The following CCM2 variants were observed in gnomAD, a reference collection of about 807,000 sequenced individuals.
The protein encoded by CCM2 is CCM2 scaffold protein.
In CCM2, 25 loss-of-function variants were observed where a neutral mutation model predicts 44.9. The observed-to-expected ratio is 0.56, with a 90% CI of 0.41 to 0.78. CCM2 has a LOEUF of 0.78. Ranked by LOEUF, CCM2 falls within the 30% of genes least tolerant of loss-of-function variation. The pLI is 0.00. For synonymous variants in CCM2, 219 were observed against 241.1 expected, an observed-to-expected ratio of 0.91 and a Z score of 0.85; for missense variants, 481 against 580.6, an observed-to-expected ratio of 0.83 and a Z score of 1.76.
In CCM2 at chr7:45,013,486, T is replaced by A. The variant is rs563251198; in HGVS notation, c.30+13123T>A. On this transcript the variant is annotated intron_variant, in intron 1 of 9. Transcript: ENST00000258781. Reference sequence around the variant, plus strand: ...TTTCTGAACCATTAAGAATAAGCTGTAGACATAATGCCCCATGACCCTTTA... The same window carrying A: ...TTTCTGAACCATTAAGAATAAGCTGAAGACATAATGCCCCATGACCCTTTA... Among the ~76,000 whole-genome samples, 10 of 152,228 alleles carry A rather than the reference T, an allele frequency of 6.6e-5. No individual in the cohort carries two copies. The South Asian group carries it at 2.1e-3, about 32-fold the overall frequency.
In CCM2 at chr7:45,038,501, T is replaced by G. The variant is rs139850803; in HGVS notation, c.204+75T>G. ...CATGCTTGTATCCACCAGACACTCT[T>G]GAGTTTATAAGACACAGCCACACAA... On this transcript the variant is annotated intron_variant, in intron 2 of 9. Transcript: ENST00000258781. 9 of 1,493,834 alleles carry G rather than the reference T, an allele frequency of 6.0e-6. No homozygotes were observed. In the Admixed American group the frequency reaches 1.5e-4, roughly 25 times the overall value. 92.5% of individuals were successfully genotyped at this position (1,493,834 alleles called of 1,614,324 possible).
rs867158013 is a variant in CCM2 at position 45,074,261 on chromosome 7, C to G, written c.916-9C>G. On this transcript the variant is annotated splice_polypyrimidine_tract_variant and intron_variant, in intron 8 of 9. Coordinates refer to ENST00000258781, the MANE Select transcript of CCM2 (RefSeq NM_031443.4). ...GCCCAGCCCCCTATCTGGCTCTGCTCTCTTGCAGCTGCGCACCAAGCTGTC... is the reference window on the plus strand; with the variant it reads ...GCCCAGCCCCCTATCTGGCTCTGCTGTCTTGCAGCTGCGCACCAAGCTGTC... 3 of 1,613,476 alleles carry G rather than the reference C, an allele frequency of 1.9e-6. No individual in the cohort carries two copies. Among genetic ancestry groups the G allele is most frequent in the East Asian group, 2.2e-5 (1 of 44,890 alleles).
At chr7:45,068,373 A>C in intron 4 of CCM2, 70 bp from the exon 5 acceptor site, 2 of 1,603,070 alleles carry the variant, frequency 1.2e-6, no homozygotes, top group South Asian at 2.2e-5. Flanking sequence ...TGGCGGCCTC[A>C]GCTGTTTCCT....
At chr7:45,028,721 A>G (rs774815059) in intron 1 of CCM2, among the ~76,000 whole-genome samples, 1 of 151,902 alleles carries the variant, frequency 6.6e-6, no homozygotes, top group Non-Finnish European at 1.5e-5. Context: ...GCTGTGTCAT[A>G]CTTATCATTT....
intron 1 of CCM2, among the ~76,000 whole-genome samples, chr7:45,024,172 G>T (rs1240167722): frequency 6.6e-6 from 1 of 152,050 alleles, no homozygotes; most frequent in African/African-American, 2.4e-5. Flanking sequence ...TGGACTTTTT[G>T]GATTTCTACT....
chr7:45,043,256 A>G (rs1797597058), intron 2 of CCM2, among the ~76,000 whole-genome samples: 1 of 151,836 alleles, frequency 6.6e-6, no homozygotes. Flanking sequence ...GGCATGAACC[A>G]CTGCACTTGG....
chr7:45,058,708 A>G (rs1448533943), intron 2 of CCM2, among the ~76,000 whole-genome samples: 8 of 151,914 alleles, frequency 5.3e-5, no homozygotes, highest in Non-Finnish European at 1.0e-4. Flanking sequence ...AGATTTGTCA[A>G]ATGCTTTTTC....
rs1324987974 is a variant in CCM2 at position 45,042,252 on chromosome 7, C to T, written c.204+3826C>T. On this transcript the variant is annotated intron_variant, in intron 2 of 9. Transcript: ENST00000258781. The stretch of plus-strand genomic sequence containing the variant: ...CTGCACTCCAGCCTGGGTAACAGAG[C>T]GAGATTCCATCTCAAAAAAAAAAGG... 2.0e-4 allele frequency among the ~76,000 whole-genome samples: 7 copies of T among 34,444 alleles called. No individual in the cohort carries two copies. The African/African-American group carries it at 3.1e-3, about 15-fold the overall frequency. 22.6% of individuals were successfully genotyped at this position (34,444 alleles called of 152,430 possible).
At chr7:45,016,349 G>T (rs760171558) in intron 1 of CCM2, among the ~76,000 whole-genome samples, 1 of 151,956 alleles carries the variant, frequency 6.6e-6, no homozygotes, top group Non-Finnish European at 1.5e-5. Context: ...TATTTTTTTT[G>T]AGACAGTTTC....
At chr7:45,004,858 G>A (rs796977250) in intron 1 of CCM2, among the ~76,000 whole-genome samples, 1 of 152,052 alleles carries the variant, frequency 6.6e-6, no homozygotes, top group Admixed American at 6.6e-5. Context: ...TTAGCTGAGC[G>A]TGGTGGTGGG....
At chr7:45,009,257 C>T (rs186886284) in intron 1 of CCM2, among the ~76,000 whole-genome samples, 141 of 142,634 alleles carry the variant, frequency 9.9e-4, no homozygotes, top group Admixed American at 2.1e-3. Flanking sequence ...GCCAAGATTG[C>T]GCCATTGCAC....
chr7:45,016,719 G>A lies in CCM2; in HGVS notation c.30+16356G>A, dbSNP rs1796280887. On this transcript the variant is annotated intron_variant, in intron 1 of 9. Coordinates refer to ENST00000258781, the MANE Select transcript of CCM2 (RefSeq NM_031443.4). ...GCGATCCTGGCTCACTGCAACCTCC[G>A]CCTCCCAGGTTCAAGCGATTCTCCT... Among the ~76,000 whole-genome samples, 2 of 151,100 alleles carry A rather than the reference G, an allele frequency of 1.3e-5. 1 individual carries two copies. The highest frequency in any genetic ancestry group is 4.2e-4 in the South Asian group (2 of 4,778).
At chr7:45,007,644 TG>T (rs1795898564) in intron 1 of CCM2, among the ~76,000 whole-genome samples, 1 of 152,206 alleles carries the variant, frequency 6.6e-6, no homozygotes. Flanking sequence ...TAGATGTATG[TG>T]CAATGAAAGT....
At chr7:45,023,773 A>C (rs1202818987) in intron 1 of CCM2, among the ~76,000 whole-genome samples, 1 of 58,002 alleles carries the variant, frequency 1.7e-5, no homozygotes, top group African/African-American at 6.6e-5. Context: ...CATTATTTTG[A>C]TAGCTCTGTA....
At chr7:45,045,162 G>C (rs749100837) in intron 2 of CCM2, among the ~76,000 whole-genome samples, 3 of 151,628 alleles carry the variant, frequency 2.0e-5, no homozygotes, top group Non-Finnish European at 4.4e-5. Context: ...CGTTATAGCT[G>C]CTAGGTGCAG....
At chr7:45,036,344 G>A (rs1383269637) in intron 1 of CCM2, among the ~76,000 whole-genome samples, 3 of 152,212 alleles carry the variant, frequency 2.0e-5, no homozygotes, top group African/African-American at 7.2e-5. Flanking sequence ...ATAAATAAAG[G>A]TAAGAAGGAA....
At chr7:45,039,825 G>C (rs1398221275) in intron 2 of CCM2, among the ~76,000 whole-genome samples, 1 of 151,918 alleles carries the variant, frequency 6.6e-6, no homozygotes, top group Non-Finnish European at 1.5e-5. Context: ...TCAGGAGTTC[G>C]AGAGCAGCCT....
intron 1 of CCM2, among the ~76,000 whole-genome samples, chr7:45,008,035 G>T: frequency 7.6e-6 from 1 of 130,932 alleles, no homozygotes. Context: ...ATGTGGTGGG[G>T]TACATTTTTT....
At chr7:45,002,326 C>G (rs555699275) in intron 1 of CCM2, among the ~76,000 whole-genome samples, 2 of 152,292 alleles carry the variant, frequency 1.3e-5, no homozygotes, top group South Asian at 2.1e-4. Flanking sequence ...TAATCCAGCA[C>G]TTTGGGAGGC....
Sources: gnomAD v4.1 joint callset for allele counts (sites outside exome capture counted in the v4.1 genomes callset) on GRCh38, gnomAD v4.1.1 for gene constraint, MANE v1.5 for transcripts, NCBI Gene and HGNC (gene_info 2026-07-23, HGNC 2026-07-21) for gene names.